MTSS1: variants seen among roughly 807,000 people sequenced by gnomAD.
MTSS1 encodes MTSS I-BAR domain containing 1, also known as protein MTSS 1.
A neutral mutation model predicts 79.0 loss-of-function variants in MTSS1; 18 were observed. That is an observed-to-expected ratio of 0.23 (90% CI 0.16 to 0.34). The LOEUF is 0.34. Ranked by LOEUF, MTSS1 falls within the 10% of genes least tolerant of loss-of-function variation. The pLI is 1.00. For missense variants in MTSS1, 815 were observed against 986.2 expected (o/e 0.83, Z 2.33); for synonymous variants, 341 against 368.6 (o/e 0.93, Z 0.86).
intron 3 of MTSS1, among the ~76,000 whole-genome samples, chr8:124,647,967 T>C (rs1819289883): frequency 6.6e-6 from 1 of 152,188 alleles, no homozygotes; most frequent in East Asian, 1.9e-4. Context: ...ATGTCTCCAA[T>C]CAACCTAGCG....
At chr8:124,585,690 G>A (rs978805873) in intron 5 of MTSS1, among the ~76,000 whole-genome samples, 1 of 152,112 alleles carries the variant, frequency 6.6e-6, no homozygotes, top group Non-Finnish European at 1.5e-5. Context: ...TTACAGGCAT[G>A]AGCCACCATG....
intron 4 of MTSS1, 123 bp from the exon 5 acceptor site, chr8:124,589,834 C>T (rs958746142): frequency 8.6e-6 from 6 of 695,266 alleles, no homozygotes; most frequent in South Asian, 5.4e-5. Flanking sequence ...ATCTAAACCC[C>T]GGGGCTCCAG....
rs1278072964 is a variant in MTSS1 at position 124,553,765 on chromosome 8, C to A, written c.1568-73G>T. 2 of 1,359,924 alleles carry A rather than the reference C, an allele frequency of 1.5e-6. No individual in the cohort carries two copies. The highest frequency in any genetic ancestry group is 1.0e-6 in the Non-Finnish European group (1 of 992,858). The allele number at this position is 1,359,924 out of a possible 1,614,324, so 84.2% of individuals were successfully genotyped here. On this transcript the variant is annotated intron_variant, in intron 13 of 13. Coordinates refer to ENST00000518547, the MANE Select transcript of MTSS1 (RefSeq NM_014751.6). This position sits in a 1 kb window ranked among gnomAD's most constrained non-coding sequence, Gnocchi z 6.0. ...TTTTGATTCTTCTGGGCTGGGAGGA[C>A]AAAAGGCACGCAAGGCAGGGTACAC...
intron 3 of MTSS1, among the ~76,000 whole-genome samples, chr8:124,601,779 G>C (rs1013065736): frequency 6.6e-6 from 1 of 152,142 alleles, no homozygotes; most frequent in South Asian, 2.1e-4. Flanking sequence ...CACTAGCCAC[G>C]GCTACACAGC....
chr8:124,553,239 G>A lies in MTSS1; in HGVS notation c.2021C>T (p.Pro674Leu). ...GATACTGGGCTTCGGGCCTGGAAGT[G>A]GAGGGTTAACGGAAGCTTGGCCGCT... ...MWSGQASVNP[P>L]LPGPKPSIPE... The change falls in exon 14 of 14, where the codon CCA becomes CTA. Residue 674 changes from proline to leucine, a missense_variant. Physicochemically the swap from Pro to Leu is moderately conservative, Grantham distance 98 (BLOSUM62 -3). This residue lies in a region of MTSS1 where 590 missense variants were observed against 620.8 expected (regional missense o/e 0.95). Transcript: ENST00000518547. This position sits in a 1 kb window ranked among gnomAD's most constrained non-coding sequence, Gnocchi z 6.0. 2 of 1,614,190 alleles carry A rather than the reference G, an allele frequency of 1.2e-6. No homozygotes were observed. Among genetic ancestry groups the A allele is most frequent in the Non-Finnish European group, 1.7e-6 (2 of 1,180,050 alleles).
intron 3 of MTSS1, among the ~76,000 whole-genome samples, chr8:124,662,629 T>C (rs532106933): frequency 6.6e-6 from 1 of 152,048 alleles, no homozygotes; most frequent in Non-Finnish European, 1.5e-5. Context: ...ACCCAAGTGA[T>C]TCTGAGGTAA....
rs1321373531 is a variant in MTSS1, at chr8:124,600,051, A to AC, written c.209-8817_209-8816insG. ...AGATGGTTGTACTACAAAAAAAAAA[A>AC]AAACAAAAAAAAAACCAAATATGCT... is the stretch of plus-strand genomic sequence containing the variant. On this transcript the variant is annotated intron_variant, in intron 3 of 13. Transcript: ENST00000518547. Among the ~76,000 whole-genome samples, 396 of 78,098 alleles carry AC rather than the reference A, an allele frequency of 5.1e-3. 2 individuals carry two copies. The highest frequency in any genetic ancestry group is 0.033 in the African/African-American group (373 of 11,170). The allele number at this position is 78,098 out of a possible 152,430, so 51.2% of individuals were successfully genotyped here. A position where few individuals can be genotyped will look rare whatever the true frequency, so the allele number is the denominator to read the frequency against.
At chr8:124,567,484 C>A (rs989944872) in intron 7 of MTSS1, among the ~76,000 whole-genome samples, 1 of 152,232 alleles carries the variant, frequency 6.6e-6, no homozygotes, top group Non-Finnish European at 1.5e-5. Context: ...TGTGTTCCCA[C>A]GGGATCCTGC....
chr8:124,587,917 T>C (rs938310066), intron 5 of MTSS1, among the ~76,000 whole-genome samples: 1 of 152,232 alleles, frequency 6.6e-6, no homozygotes, highest in African/African-American at 2.4e-5. Flanking sequence ...AAATGGTTTG[T>C]TGAAGTTCTA....
intron 3 of MTSS1, among the ~76,000 whole-genome samples, chr8:124,650,686 C>G (rs958031496): frequency 6.6e-6 from 1 of 152,138 alleles, no homozygotes; most frequent in Non-Finnish European, 1.5e-5. Flanking sequence ...TTAGCAGGTG[C>G]GCAGGGCAGG....
At chr8:124,587,677 G>A (rs1056728252) in intron 5 of MTSS1, among the ~76,000 whole-genome samples, 1 of 151,852 alleles carries the variant, frequency 6.6e-6, no homozygotes, top group Non-Finnish European at 1.5e-5. Context: ...TGGTTTTTTT[G>A]TATTTTTAGT....
At chr8:124,596,424 T>TA (rs111657419) in intron 3 of MTSS1, among the ~76,000 whole-genome samples, 1 of 152,212 alleles carries the variant, frequency 6.6e-6, no homozygotes, top group African/African-American at 2.4e-5. Context: ...AATGCTTTTC[T>TA]AATAAAGCAG....
intron 1 of MTSS1, among the ~76,000 whole-genome samples, chr8:124,710,074 G>C (rs1315319166): frequency 6.6e-6 from 1 of 152,228 alleles, no homozygotes. Context: ...GACACAAAAG[G>C]AGGCAGGGAA....
chr8:124,561,493 T>G (rs1825306843), intron 10 of MTSS1, among the ~76,000 whole-genome samples: 1 of 152,112 alleles, frequency 6.6e-6, no homozygotes, highest in Non-Finnish European at 1.5e-5. Context: ...GTTTTCAGAT[T>G]TAAGTAAACC....
At chr8:124,693,198 G>A (rs1828243966) in intron 3 of MTSS1, among the ~76,000 whole-genome samples, 1 of 152,182 alleles carries the variant, frequency 6.6e-6, no homozygotes, top group South Asian at 2.1e-4. Context: ...GGTTTTAAGG[G>A]TTTCAGAAAA....
At chr8:124,615,970 G>A (rs960693464) in intron 3 of MTSS1, among the ~76,000 whole-genome samples, 4 of 152,260 alleles carry the variant, frequency 2.6e-5, no homozygotes, top group East Asian at 1.9e-4. Flanking sequence ...CATGGCCTTC[G>A]ACCTTCAGGA....
intron 3 of MTSS1, among the ~76,000 whole-genome samples, chr8:124,648,266 A>C (rs1448540018): frequency 6.6e-6 from 1 of 152,092 alleles, no homozygotes; most frequent in Admixed American, 6.5e-5. Context: ...TGTTGTTACT[A>C]TTACCTAGTG....
At position 124,728,123 on chromosome 8, in the gene MTSS1, CA is replaced by C; in HGVS notation, c.-169del. On this transcript the variant is annotated 5_prime_UTR_variant, in exon 1 of 14. Coordinates refer to ENST00000518547, the MANE Select transcript of MTSS1 (RefSeq NM_014751.6). The surrounding 1 kb of genome is among the most constrained non-coding windows in gnomAD (Gnocchi z 6.1). ...TGCACCAGACCGACTGTTCTCTGCC[CA>C]AAATAATAACAGTAATTTAAAAAGC... 1 of 541,890 alleles carries C rather than the reference CA, an allele frequency of 1.8e-6. No homozygotes were observed. The highest frequency in any genetic ancestry group is 3.4e-5 in the East Asian group (1 of 29,566). The allele number at this position is 541,890 out of a possible 1,614,324, so 33.6% of individuals were successfully genotyped here. A position where few individuals can be genotyped will look rare whatever the true frequency, so the allele number is the denominator to read the frequency against.
chr8:124,601,271 A>G (rs1214271221), intron 3 of MTSS1, among the ~76,000 whole-genome samples: 3 of 152,102 alleles, frequency 2.0e-5, no homozygotes, highest in Non-Finnish European at 2.9e-5. Flanking sequence ...CATGTTGGCC[A>G]AGCTGGTCTC....
Sources: allele counts gnomAD v4.1 joint callset (sites outside exome capture counted in the v4.1 genomes callset), GRCh38; gene constraint gnomAD v4.1.1; regional missense constraint gnomAD v4.1.1; non-coding constraint Gnocchi (gnomAD v3.1); transcripts MANE v1.5; gene names NCBI Gene and HGNC (gene_info 2026-07-23, HGNC 2026-07-21).